PRKG2: variants seen among roughly 807,000 people sequenced by gnomAD.
The protein encoded by PRKG2 is protein kinase cGMP-dependent 2, also known as cGMP-dependent protein kinase 2.
Under a neutral mutation model 97.2 loss-of-function variants are expected in PRKG2, and 33 were observed. The observed-to-expected ratio is 0.34, with a 90% CI of 0.26 to 0.45. The LOEUF is 0.45. Among genes scored for constraint, PRKG2 ranks in the 20% least tolerant of loss-of-function variants. PRKG2 has a pLI of 1.00. For synonymous variants in PRKG2, 330 were observed against 321.8 expected (o/e 1.03, Z -0.27); for missense variants, 638 against 900.0 (o/e 0.71, Z 3.73).
intron 15 of PRKG2, 128 bp downstream of exon 15, chr4:81,110,320 A>C: frequency 1.0e-6 from 1 of 959,766 alleles, no homozygotes; most frequent in Non-Finnish European, 1.5e-6. Flanking sequence ...TCATGAGAAA[A>C]AGGTATCATA....
intron 16 of PRKG2, 51 bp downstream of exon 16, chr4:81,105,762 G>A (rs775819655): frequency 2.1e-5 from 33 of 1,584,136 alleles, no homozygotes; most frequent in African/African-American, 6.8e-5. Flanking sequence ...AACAGAAACC[G>A]AAGCCTTTAG....
chr4:81,094,711 G>A (rs1417726385), intron 17 of PRKG2, among the ~76,000 whole-genome samples: 1 of 152,004 alleles, frequency 6.6e-6, no homozygotes, highest in Non-Finnish European at 1.5e-5. Context: ...AGAGAAGGGG[G>A]AACCATGGGA....
intron 1 of PRKG2, among the ~76,000 whole-genome samples, chr4:81,213,337 A>G (rs1306677845): frequency 6.6e-6 from 1 of 152,126 alleles, no homozygotes; most frequent in Admixed American, 6.5e-5. Flanking sequence ...TATTTGTGGG[A>G]GAAGAGGAGG....
intron 12 of PRKG2, among the ~76,000 whole-genome samples, chr4:81,138,000 AAAC>A (rs1746879909): frequency 1.3e-5 from 2 of 152,316 alleles, no homozygotes; most frequent in South Asian, 4.1e-4. Context: ...GTGCAATTGG[AAAC>A]AACACCTGTG....
chr4:81,201,190 A>G (rs1381994181), intron 2 of PRKG2, among the ~76,000 whole-genome samples: 2 of 152,230 alleles, frequency 1.3e-5, no homozygotes, highest in Non-Finnish European at 2.9e-5. Flanking sequence ...TGACTATTCA[A>G]TGTTTAAATT....
chr4:81,199,508 A>G (rs923632117), intron 2 of PRKG2, among the ~76,000 whole-genome samples: 1 of 152,136 alleles, frequency 6.6e-6, no homozygotes, highest in South Asian at 2.1e-4. Flanking sequence ...ATTACACTCT[A>G]CATAACCTTT....
chr4:81,092,839 G>A (rs1364465974), intron 17 of PRKG2, among the ~76,000 whole-genome samples: 1 of 152,112 alleles, frequency 6.6e-6, no homozygotes, highest in Non-Finnish European at 1.5e-5. Context: ...CTGAGTCCAT[G>A]ATCAAATCCT....
chr4:81,096,510 T>G (rs1742133438), intron 17 of PRKG2, among the ~76,000 whole-genome samples: 1 of 152,152 alleles, frequency 6.6e-6, no homozygotes, highest in Non-Finnish European at 1.5e-5. Context: ...CACTCCAGCC[T>G]GGGTGACAGT....
At chr4:81,208,116 G>T (rs148148829) in intron 1 of PRKG2, among the ~76,000 whole-genome samples, 1 of 152,084 alleles carries the variant, frequency 6.6e-6, no homozygotes, top group African/African-American at 2.4e-5. Flanking sequence ...GGCCAATTAG[G>T]GTTATAAAAC....
At chr4:81,171,926 T>A (rs1750515460) in intron 3 of PRKG2, 122 bp from the exon 4 acceptor site, 3 of 637,056 alleles carry the variant, frequency 4.7e-6, no homozygotes, top group African/African-American at 1.9e-5. Context: ...ATTTTATGAT[T>A]CTCATTATAA....
chr4:81,134,578 T>C (rs1746486229), intron 14 of PRKG2, among the ~76,000 whole-genome samples: 1 of 152,122 alleles, frequency 6.6e-6, no homozygotes, highest in East Asian at 1.9e-4. Context: ...AGTAATTTTT[T>C]CTTTAGTGTA....
chr4:81,115,160 G>A (rs1413733874), intron 14 of PRKG2, among the ~76,000 whole-genome samples: 1 of 151,988 alleles, frequency 6.6e-6, no homozygotes, highest in Non-Finnish European at 1.5e-5. Flanking sequence ...TCAAAGACAC[G>A]GTTTCTCCAA....
chr4:81,190,127 C>A (rs1752349533), intron 2 of PRKG2, among the ~76,000 whole-genome samples: 2 of 152,130 alleles, frequency 1.3e-5, no homozygotes, highest in African/African-American at 2.4e-5. Flanking sequence ...CAAGACAATC[C>A]TAAGCAAAAA....
intron 1 of PRKG2, among the ~76,000 whole-genome samples, chr4:81,210,979 A>G (rs1164681592): frequency 6.6e-6 from 1 of 152,184 alleles, no homozygotes; most frequent in African/African-American, 2.4e-5. Flanking sequence ...TCAACTGTAT[A>G]GCATTCTGGA....
chr4:81,204,878 T>C lies in PRKG2; in HGVS notation c.170A>G (p.Gln57Arg), dbSNP rs573862255. 2.5e-6 allele frequency: 4 copies of C among 1,614,216 alleles called. No individual in the cohort carries two copies. In the South Asian group the frequency reaches 4.4e-5, roughly 18 times the overall value. Residue 57 changes from glutamine to arginine, a missense_variant, in exon 2 of 19, where the codon CAG becomes CGG. Physicochemically the swap from Gln to Arg is conservative, Grantham distance 43. Coordinates refer to ENST00000264399, the MANE Select transcript of PRKG2 (RefSeq NM_006259.3). ...REYHLKELRE[Q>R]LSKQTVAIAE... ...AATGGCCACAGTCTGCTTCGACAGCTGCTCCCGCAGCTCCTTCAAATGGTA... is the reference window on the plus strand; with the variant it reads ...AATGGCCACAGTCTGCTTCGACAGCCGCTCCCGCAGCTCCTTCAAATGGTA...
chr4:81,212,791 G>A (rs989594591), intron 1 of PRKG2, among the ~76,000 whole-genome samples: 2 of 152,160 alleles, frequency 1.3e-5, no homozygotes, highest in African/African-American at 4.8e-5. Context: ...GTCTATATGA[G>A]GTTGGAAAGA....
intron 18 of PRKG2, among the ~76,000 whole-genome samples, chr4:81,091,431 C>T (rs958575462): frequency 5.9e-5 from 9 of 151,988 alleles, no homozygotes; most frequent in East Asian, 5.8e-4. Context: ...GACAGGTGCC[C>T]GCCACCATGC....
At chr4:81,104,656 G>A (rs574744729) in intron 16 of PRKG2, among the ~76,000 whole-genome samples, 7 of 151,782 alleles carry the variant, frequency 4.6e-5, no homozygotes, top group Non-Finnish European at 8.8e-5. Flanking sequence ...ATTAGACTTC[G>A]GAGTGTATAT....
At chr4:81,140,757 T>A in intron 11 of PRKG2, 88 bp from the exon 12 acceptor site, 1 of 1,214,064 alleles carries the variant, frequency 8.2e-7, no homozygotes, top group Non-Finnish European at 1.2e-6. Flanking sequence ...GTTTCATGTT[T>A]AATTAGTATG....
Sources: allele counts gnomAD v4.1 joint callset (sites outside exome capture counted in the v4.1 genomes callset), GRCh38; gene constraint gnomAD v4.1.1; transcripts MANE v1.5; gene names NCBI Gene and HGNC (gene_info 2026-07-23, HGNC 2026-07-21).